The following PAX3 variants were observed in gnomAD, a reference collection of about 807,000 sequenced individuals.
The protein encoded by PAX3 is paired box 3.
In PAX3, 14 loss-of-function variants were observed where a neutral mutation model predicts 51.6. That is an observed-to-expected ratio of 0.27 (90% confidence interval 0.18 to 0.42). PAX3 has a LOEUF of 0.42. Ranked by LOEUF, PAX3 falls within the 10% of genes least tolerant of loss-of-function variation. The pLI, the probability that PAX3 is intolerant of heterozygous loss-of-function variation, is 1.00. For missense variants in PAX3, 540 were observed against 642.8 expected, an observed-to-expected ratio of 0.84 and a Z score of 1.73; for synonymous variants, 280 against 253.4, an observed-to-expected ratio of 1.11 and a Z score of -1.00.
intron 4 of PAX3, among the ~76,000 whole-genome samples, chr2:222,265,620 G>A (rs1034715768): frequency 1.8e-5 from 2 of 112,748 alleles, no homozygotes; most frequent in East Asian, 2.9e-4. Flanking sequence ...GCCACTGGGC[G>A]ACAGAGTGAG....
intron 4 of PAX3, among the ~76,000 whole-genome samples, chr2:222,271,491 G>A (rs1694252023): frequency 2.0e-5 from 3 of 152,158 alleles, no homozygotes; most frequent in Admixed American, 6.5e-5. Context: ...ATTATATCTT[G>A]CAGTTGTCTA....
intron 4 of PAX3, among the ~76,000 whole-genome samples, chr2:222,250,736 C>T (rs986327541): frequency 4.6e-5 from 7 of 152,162 alleles, no homozygotes; most frequent in African/African-American, 1.7e-4. Flanking sequence ...GCTTTATTCT[C>T]TTCTGAGATT....
chr2:222,228,843 G>A lies in PAX3; in HGVS notation c.792+3235C>T, dbSNP rs1173183722. 2.0e-5 allele frequency among the ~76,000 whole-genome samples: 3 copies of A among 152,280 alleles called. No homozygotes were observed. The East Asian group carries it at 5.8e-4, about 29-fold the overall frequency. On this transcript the variant is annotated intron_variant, in intron 5 of 8. Coordinates refer to ENST00000392070, the MANE Select transcript of PAX3 (RefSeq NM_181458.4). The stretch of plus-strand genomic sequence containing the variant: ...AGACCCAGCTACTCTGGAAGCTGAG[G>A]TGGAAGAATCACTTGAGCTTGGAAG...
chr2:222,271,780 A>C (rs1307453698), intron 4 of PAX3, among the ~76,000 whole-genome samples: 1 of 152,190 alleles, frequency 6.6e-6, no homozygotes, highest in Non-Finnish European at 1.5e-5. Flanking sequence ...GGGACAAATC[A>C]TTCATGACAG....
chr2:222,298,853 G>A lies in PAX3; in HGVS notation c.-238C>T. 1 of 590,174 alleles carries A rather than the reference G, an allele frequency of 1.7e-6. No individual in the cohort carries two copies. The allele number at this position is 590,174 out of a possible 1,614,324, so 36.6% of individuals were successfully genotyped here. On this transcript the variant is annotated 5_prime_UTR_variant, in exon 1 of 9. Transcript: ENST00000392070. ...CGGAGTCCAGGATCCCGAGCCCAGG[G>A]CGGAAAAGTTTGGTACGAGTCTGGG...
chr2:222,237,227 C>T (rs1692831436), intron 4 of PAX3, among the ~76,000 whole-genome samples: 2 of 151,660 alleles, frequency 1.3e-5, no homozygotes, highest in Admixed American at 1.3e-4. Flanking sequence ...GCTAAGGAAG[C>T]TAGAATTTGA....
Position 222,295,551 on chromosome 2 carries a change from C to T in PAX3, c.428G>A (p.Cys143Tyr). 1 of 1,614,246 alleles carries T rather than the reference C, an allele frequency of 6.2e-7. No homozygotes were observed. Among genetic ancestry groups the T allele is most frequent in the Middle Eastern group, 1.7e-4 (1 of 6,060 alleles). ...IRDKLLKDAV[C>Y]DRNTVPSVSS... ...ACCTGACGGCACGGTGTTTCGATCACAGACCGCGTCCTTGAGTAATTTGTC... is the reference window on the plus strand; with the variant it reads ...ACCTGACGGCACGGTGTTTCGATCATAGACCGCGTCCTTGAGTAATTTGTC... The change falls in exon 3 of 9, where the codon TGT becomes TAT. Residue 143 changes from cysteine to tyrosine, a missense_variant. By Grantham distance (194) the Cys-to-Tyr change is radical (BLOSUM62 -2). Coordinates refer to ENST00000392070, the MANE Select transcript of PAX3 (RefSeq NM_181458.4).
At chr2:222,235,500 G>C (rs1027539293) in intron 4 of PAX3, among the ~76,000 whole-genome samples, 1 of 152,158 alleles carries the variant, frequency 6.6e-6, no homozygotes, top group Admixed American at 6.5e-5. Flanking sequence ...CAATCATGTT[G>C]AATGTTTAGC....
At chr2:222,257,108 G>A (rs1693675064) in intron 4 of PAX3, among the ~76,000 whole-genome samples, 1 of 152,172 alleles carries the variant, frequency 6.6e-6, no homozygotes, top group Non-Finnish European at 1.5e-5. Flanking sequence ...TTTCAACACA[G>A]ATATATATTT....
At position 222,297,829 on chromosome 2, in the gene PAX3, C is replaced by G. The variant is rs148871682; in HGVS notation, c.86-616G>C. On this transcript the variant is annotated intron_variant, in intron 1 of 8. Transcript: ENST00000392070. Reference sequence around the variant, plus strand: ...CCATTCTTGCTCTGGGTGTTACATTCTACTCTAGGCTGGGTGTGAAGGGAG... The same window carrying G: ...CCATTCTTGCTCTGGGTGTTACATTGTACTCTAGGCTGGGTGTGAAGGGAG... Among the ~76,000 whole-genome samples, 93 of 152,332 alleles carry G rather than the reference C, an allele frequency of 6.1e-4. 1 individual carries two copies. The highest frequency in any genetic ancestry group is 2.2e-3 in the African/African-American group (93 of 41,576).
chr2:222,251,359 G>GT (rs1693424667), intron 4 of PAX3, among the ~76,000 whole-genome samples: 1 of 152,016 alleles, frequency 6.6e-6, no homozygotes, highest in Non-Finnish European at 1.5e-5. Context: ...GCGGTATTTG[G>GT]TTTTTTGTTC....
intron 4 of PAX3, among the ~76,000 whole-genome samples, chr2:222,279,304 C>CGCGTGTGT (rs1553587586): frequency 6.8e-6 from 1 of 148,034 alleles, no homozygotes. Flanking sequence ...CAAGCCTGTG[C>CGCGTGTGT]GTGTGTGTGT....
chr2:222,288,654 AC>A (rs200817406), intron 4 of PAX3, among the ~76,000 whole-genome samples: 3 of 152,172 alleles, frequency 2.0e-5, no homozygotes, highest in East Asian at 1.9e-4. Flanking sequence ...TTTCTGCCAC[AC>A]CCCCCCAAAA....
In PAX3 at chr2:222,259,008, G is replaced by A. The variant is rs372584895; in HGVS notation, c.587-26725C>T. 1.2e-4 allele frequency among the ~76,000 whole-genome samples: 18 copies of A among 152,186 alleles called. 1 individual carries two copies. Among genetic ancestry groups the A allele is most frequent in the East Asian group, 9.6e-4 (5 of 5,182 alleles). On this transcript the variant is annotated intron_variant, in intron 4 of 8. Transcript: ENST00000392070. Reference sequence around the variant, plus strand: ...CTGTGGAGTGAGCTACTAAGCCAGCGTCAACAAGAAGACTAGAATTAAGAA... The same window carrying A: ...CTGTGGAGTGAGCTACTAAGCCAGCATCAACAAGAAGACTAGAATTAAGAA...
chr2:222,291,145 G>T (rs1404849421), intron 4 of PAX3, among the ~76,000 whole-genome samples: 2 of 152,196 alleles, frequency 1.3e-5, no homozygotes, highest in African/African-American at 2.4e-5. Context: ...GCTAGGCCGA[G>T]CCGGGGGAGG....
intron 6 of PAX3, among the ~76,000 whole-genome samples, chr2:222,221,001 C>G (rs1692170413): frequency 6.6e-6 from 1 of 152,194 alleles, no homozygotes; most frequent in Admixed American, 6.5e-5. Context: ...TTTTAAAATA[C>G]TGCAATTGAA....
intron 4 of PAX3, among the ~76,000 whole-genome samples, chr2:222,280,773 A>G (rs2106174530): frequency 6.6e-6 from 1 of 152,350 alleles, no homozygotes; most frequent in African/African-American, 2.4e-5. Context: ...ACAGGCCTTG[A>G]GTTCCCATCC....
Position 222,207,841 on chromosome 2 carries a change from C to T in PAX3, c.1174-5651G>A, listed in dbSNP as rs1352159345. Among the ~76,000 whole-genome samples the T allele has an allele frequency of 3.9e-5, 6 of 152,012 alleles. No individual in the cohort carries two copies. In the South Asian group the frequency reaches 1.2e-3, roughly 32 times the overall value. On this transcript the variant is annotated intron_variant, in intron 7 of 8. Transcript: ENST00000392070. ...CCATAGATACTTGTTCTTAACTAGG[C>T]AGATGTTCTTCTAATTTAACATTTA...
intron 4 of PAX3, among the ~76,000 whole-genome samples, chr2:222,244,108 G>A (rs965126335): frequency 6.6e-6 from 1 of 152,176 alleles, no homozygotes; most frequent in African/African-American, 2.4e-5. Flanking sequence ...ATGGACCTAG[G>A]GGAGGAATTG....
Sources: allele counts gnomAD v4.1 joint callset (sites outside exome capture counted in the v4.1 genomes callset), GRCh38; gene constraint gnomAD v4.1.1; transcripts MANE v1.5; gene names NCBI Gene and HGNC (gene_info 2026-07-23, HGNC 2026-07-21).